KIF19: variants seen among roughly 807,000 people sequenced by gnomAD.
KIF19 encodes the protein kinesin-like protein KIF19.
In KIF19, 98 loss-of-function variants were observed where a neutral mutation model predicts 106.6. That is an observed-to-expected ratio of 0.92 (90% CI 0.78 to 1.09). The LOEUF (loss-of-function observed/expected upper bound fraction) is 1.09, where lower values mean the gene tolerates loss of function less well. Ranked by LOEUF, KIF19 falls within the 50% of genes least tolerant of loss-of-function variation. KIF19 has a pLI of 0.00. For synonymous variants in KIF19, 516 were observed against 584.2 expected, an observed-to-expected ratio of 0.88 and a Z score of 1.68; for missense variants, 1,373 against 1,414.3, an observed-to-expected ratio of 0.97 and a Z score of 0.47.
In KIF19 at chr17:74,331,261, C is replaced by T. The variant is rs2144198098; in HGVS notation, c.120+2756C>T. On this transcript the variant is annotated intron_variant, in intron 2 of 19. Transcript: ENST00000389916. This position sits in a 1 kb window ranked among gnomAD's most constrained non-coding sequence, Gnocchi z 4.1. ...AGCTTCTCTGATGGGGCCAGCTGGC[C>T]CGTCAAAGCTCTGTCCTTCCTCCTA... is the stretch of plus-strand genomic sequence containing the variant. 6.6e-6 allele frequency among the ~76,000 whole-genome samples: 1 copy of T among 152,176 alleles called. No individual in the cohort carries two copies. The highest frequency in any genetic ancestry group is 1.5e-5 in the Non-Finnish European group (1 of 68,004).
intron 2 of KIF19, among the ~76,000 whole-genome samples, chr17:74,340,038 A>C (rs1446258469): frequency 6.6e-6 from 1 of 152,170 alleles, no homozygotes; most frequent in Non-Finnish European, 1.5e-5. Context: ...GCACATGCCC[A>C]GCGCTGTGCC....
At position 74,355,385 on chromosome 17, in the gene KIF19, G is replaced by T; in HGVS notation, c.*73G>T. On this transcript the variant is annotated 3_prime_UTR_variant, in exon 20 of 20. Transcript: ENST00000389916. The stretch of plus-strand genomic sequence containing the variant: ...GTCTAGCAGGGCATGGGAGGTGGAG[G>T]CTGGGCAGATGGAGATGACCAGGAA... The T allele has an allele frequency of 1.4e-6, 2 of 1,464,798 alleles. No homozygotes were observed. Among genetic ancestry groups the T allele is most frequent in the Non-Finnish European group, 1.8e-6 (2 of 1,105,676 alleles). 90.7% of individuals were successfully genotyped at this position (1,464,798 alleles called of 1,614,324 possible).
intron 15 of KIF19, 75 bp from the exon 16 acceptor site, chr17:74,353,121 C>A: frequency 7.7e-6 from 11 of 1,426,660 alleles, no homozygotes; most frequent in Non-Finnish European, 8.7e-6. Flanking sequence ...CCAACAGCTT[C>A]TCCCCTGGGG....
At position 74,355,461 on chromosome 17, in the gene KIF19, G is replaced by A. The variant is rs2054857628; in HGVS notation, c.*149G>A. On this transcript the variant is annotated 3_prime_UTR_variant, in exon 20 of 20. Coordinates refer to ENST00000389916, the MANE Select transcript of KIF19 (RefSeq NM_153209.4). The stretch of plus-strand genomic sequence containing the variant: ...GGGCTCCTGAGACCCAGGAACTGGG[G>A]TCTCTGCCCAACCCTCCCATGCTTT... 9.6e-7 allele frequency: 1 copy of A among 1,037,040 alleles called. No homozygotes were observed. The highest frequency in any genetic ancestry group is 1.3e-6 in the Non-Finnish European group (1 of 743,958). The allele number at this position is 1,037,040 out of a possible 1,614,324, so 64.2% of individuals were successfully genotyped here.
intron 12 of KIF19, chr17:74,351,129 A>G (rs2054689962): frequency 1.7e-6 from 1 of 573,752 alleles, no homozygotes. Flanking sequence ...GTTGCTGGGA[A>G]GATTACATAA....
rs2054091622 is a variant in KIF19, at chr17:74,331,878, G to T, written c.120+3373G>T. ...AGGTGTGAGCCACTGTGCCCAGCCG[G>T]TTTGGATTTTTAATGGGGATAGTCC... On this transcript the variant is annotated intron_variant, in intron 2 of 19. Transcript: ENST00000389916. This position sits in a 1 kb window ranked among gnomAD's most constrained non-coding sequence, Gnocchi z 4.1. Among the ~76,000 whole-genome samples the T allele has an allele frequency of 6.6e-6, 1 of 152,060 alleles. No individual in the cohort carries two copies. Among genetic ancestry groups the T allele is most frequent in the Admixed American group, 6.6e-5 (1 of 15,262 alleles).
intron 2 of KIF19, among the ~76,000 whole-genome samples, chr17:74,339,686 G>C (rs1332597711): frequency 6.6e-6 from 1 of 152,198 alleles, no homozygotes; most frequent in African/African-American, 2.4e-5. Context: ...CTCATGAAGA[G>C]CACGGTGGTG....
intron 2 of KIF19, among the ~76,000 whole-genome samples, chr17:74,332,919 A>T (rs376684856): frequency 6.6e-6 from 1 of 152,250 alleles, no homozygotes; most frequent in Non-Finnish European, 1.5e-5. Context: ...ATCAGAAGAC[A>T]GGAGAACAGG....
intron 12 of KIF19, 25 bp downstream of exon 12, chr17:74,350,930 G>A (rs1460122012): frequency 1.9e-6 from 3 of 1,611,764 alleles, no homozygotes; most frequent in Non-Finnish European, 2.5e-6. Context: ...GGGGGACAAG[G>A]AGAGTGGGTT....
At position 74,326,238 on chromosome 17, in the gene KIF19, A is replaced by C. The variant is rs535611111; in HGVS notation, c.-112A>C. The C allele has an allele frequency of 3.0e-6, 3 of 987,066 alleles. No homozygotes were observed. The South Asian group carries it at 5.0e-5, about 16-fold the overall frequency. 61.1% of individuals were successfully genotyped at this position (987,066 alleles called of 1,614,324 possible). A position where few individuals can be genotyped will look rare whatever the true frequency, so the allele number is the denominator to read the frequency against. ...CGTTGTTGGTTTCGGGTTGTCAGGC[A>C]GCGCGCGAGGCGGCGGGCAGCTAGC... On this transcript the variant is annotated 5_prime_UTR_variant, in exon 1 of 20. Coordinates refer to ENST00000389916, the MANE Select transcript of KIF19 (RefSeq NM_153209.4).
chr17:74,348,891 G>C (rs2054608084), intron 9 of KIF19: 2 of 443,766 alleles, frequency 4.5e-6, no homozygotes, highest in African/African-American at 2.0e-5. Flanking sequence ...TTCAACTGGA[G>C]TGGGATGTTC....
intron 2 of KIF19, among the ~76,000 whole-genome samples, chr17:74,332,062 AGG>A (rs923646430): frequency 6.6e-6 from 1 of 152,100 alleles, no homozygotes; most frequent in African/African-American, 2.4e-5. Context: ...ATGTGTCTCA[AGG>A]GCTGAAATAT....
At chr17:74,349,418 ATGT>A (rs2054630183) in intron 10 of KIF19, 69 bp downstream of exon 10, 1 of 1,453,648 alleles carries the variant, frequency 6.9e-7, no homozygotes, top group Admixed American at 2.6e-5. Context: ...GGATCAGGCC[ATGT>A]TGTGTTCAAA....
chr17:74,343,070 C>T lies in KIF19; in HGVS notation c.366C>T (p.Gly122=), dbSNP rs145969437. 1.6e-4 allele frequency: 264 copies of T among 1,613,044 alleles called. No homozygotes were observed. Among genetic ancestry groups the T allele is most frequent in the Non-Finnish European group, 2.1e-4 (252 of 1,179,740 alleles). The part of the protein sequence containing the change: ...YTMLGTDQEP[G]IYVQTLNDLF... ...TGCTGGGCACAGACCAGGAGCCTGG[C>T]ATCTATGTTCAGACCCTCAACGACC... Residue 122 remains glycine (G), a synonymous_variant, in exon 5 of 20, where the codon GGC becomes GGT. Transcript: ENST00000389916.
chr17:74,345,132 C>T (rs1187513479), intron 7 of KIF19, among the ~76,000 whole-genome samples, 177 bp downstream of exon 7: 2 of 152,088 alleles, frequency 1.3e-5, no homozygotes, highest in East Asian at 1.9e-4. Context: ...GGGAGGATGT[C>T]GCAGCGAGGT....
chr17:74,339,640 G>A (rs762298983), intron 2 of KIF19, among the ~76,000 whole-genome samples: 4 of 148,596 alleles, frequency 2.7e-5, no homozygotes, highest in Non-Finnish European at 3.0e-5. Flanking sequence ...CATGCACTCC[G>A]TTCAGCACCC....
intron 1 of KIF19, among the ~76,000 whole-genome samples, 188 bp downstream of exon 1, chr17:74,326,576 T>A: frequency 6.6e-6 from 1 of 152,142 alleles, no homozygotes; most frequent in East Asian, 1.9e-4. Flanking sequence ...CATGGCCTTT[T>A]TAGACTTTCC....
chr17:74,336,781 A>G (rs886071633), intron 2 of KIF19, among the ~76,000 whole-genome samples: 1 of 152,100 alleles, frequency 6.6e-6, no homozygotes, highest in Non-Finnish European at 1.5e-5. Flanking sequence ...CTGATTCCTC[A>G]TCTCCAGGCA....
intron 14 of KIF19, 73 bp from the exon 15 acceptor site, chr17:74,352,748 C>A: frequency 6.3e-7 from 1 of 1,577,122 alleles, no homozygotes; most frequent in Non-Finnish European, 8.7e-7. Context: ...ACCCTGTAAG[C>A]CTTTGTGACT....
Sources: allele counts gnomAD v4.1 joint callset (sites outside exome capture counted in the v4.1 genomes callset), GRCh38; gene constraint gnomAD v4.1.1; non-coding constraint Gnocchi (gnomAD v3.1); transcripts MANE v1.5; gene names NCBI Gene and HGNC (gene_info 2026-07-23, HGNC 2026-07-21).